RHOBTB3: variants seen among roughly 807,000 people sequenced by gnomAD.
RHOBTB3 encodes rho-related BTB domain-containing protein 3.
RHOBTB3 carries 47 observed loss-of-function variants against 67.2 expected under a neutral mutation model. The ratio of observed to expected loss-of-function variants is 0.70; its 90% confidence interval spans 0.55 to 0.89. The LOEUF (loss-of-function observed/expected upper bound fraction) is 0.89. RHOBTB3 is among the 40% of genes least tolerant of loss of function. The probability of loss-of-function intolerance (pLI) is 0.00; values close to 1 mark genes in which losing one functional copy is unlikely to be tolerated. For synonymous variants in RHOBTB3, 273 were observed against 274.2 expected (o/e 1.00, Z 0.04); for missense variants, 631 against 750.0 (o/e 0.84, Z 1.85).
upstream of RHOBTB3, among the ~76,000 whole-genome samples, chr5:95,727,906 G>A (rs76038744): frequency 0.021 from 3,258 of 152,264 alleles, 52 homozygotes; most frequent in Non-Finnish European, 0.033. Flanking sequence ...CATTCTGTGA[G>A]GAGGCTCTGC....
intron 4 of RHOBTB3, among the ~76,000 whole-genome samples, chr5:95,748,980 C>G (rs1004009159): frequency 1.3e-5 from 2 of 152,154 alleles, no homozygotes; most frequent in Non-Finnish European, 2.9e-5. Context: ...ATATAAATAG[C>G]TGCTTGTTGG....
chr5:95,755,131 A>G (rs1446503464), intron 5 of RHOBTB3, among the ~76,000 whole-genome samples: 3 of 152,208 alleles, frequency 2.0e-5, no homozygotes, highest in Non-Finnish European at 4.4e-5. Flanking sequence ...TATAAAATGT[A>G]AATAAACATA....
intron 2 of RHOBTB3, chr5:95,732,405 A>G: frequency 1.8e-6 from 1 of 554,718 alleles, no homozygotes; most frequent in Non-Finnish European, 3.2e-6. Context: ...ACTAAGTTTC[A>G]TCAGCAAAAA....
upstream of RHOBTB3, chr5:95,731,305 T>C: frequency 9.6e-7 from 1 of 1,044,336 alleles, no homozygotes; most frequent in East Asian, 8.0e-5. Context: ...CCCCCTTCTC[T>C]GCTTAGAGGA....
At chr5:95,732,142 T>TC (rs747226846) in intron 2 of RHOBTB3, 58 bp downstream of exon 2, 13 of 1,485,770 alleles carry the variant, frequency 8.7e-6, no homozygotes, top group African/African-American at 5.5e-5. Flanking sequence ...TCCTTTTTTT[T>TC]CCCCCTCCCC....
At chr5:95,740,285 A>G (rs1755560543) in intron 3 of RHOBTB3, among the ~76,000 whole-genome samples, 1 of 152,208 alleles carries the variant, frequency 6.6e-6, no homozygotes. Flanking sequence ...ATGAGAACAG[A>G]CTAATACAAC....
Position 95,787,330 on chromosome 5 carries a change from T to A in RHOBTB3, c.1624-1432T>A, listed in dbSNP as rs996999874. 2.0e-5 allele frequency among the ~76,000 whole-genome samples: 3 copies of A among 152,300 alleles called. No homozygotes were observed. The East Asian group carries it at 5.8e-4, about 29-fold the overall frequency. Reference sequence around the variant, plus strand: ...AAAGATAAGGGGAGGAAAAAAACTGTTAAAATGTTATGTGGGATTAGATAA... The same window carrying A: ...AAAGATAAGGGGAGGAAAAAAACTGATAAAATGTTATGTGGGATTAGATAA... On this transcript the variant is annotated intron_variant, in intron 10 of 11. Coordinates refer to ENST00000379982, the MANE Select transcript of RHOBTB3 (RefSeq NM_014899.4).
chr5:95,746,013 G>C (rs145817313), intron 3 of RHOBTB3, among the ~76,000 whole-genome samples: 1 of 152,154 alleles, frequency 6.6e-6, no homozygotes, highest in Non-Finnish European at 1.5e-5. Flanking sequence ...CCAGATAAAG[G>C]GTAGGTAGCT....
At chr5:95,722,040 G>A (rs1305808021) in intron 1 of RHOBTB3, among the ~76,000 whole-genome samples, 1 of 152,094 alleles carries the variant, frequency 6.6e-6, no homozygotes, top group Admixed American at 6.5e-5. Context: ...AGAAAAATGA[G>A]GACCAAATGT....
At position 95,731,925 on chromosome 5, in the gene RHOBTB3, G is replaced by A; in HGVS notation, c.69G>A (p.Gly23=). 2 of 1,614,144 alleles carry A rather than the reference G, an allele frequency of 1.2e-6. No homozygotes were observed. The highest frequency in any genetic ancestry group is 1.7e-6 in the Non-Finnish European group (2 of 1,180,036). Residue 23 remains glycine, a synonymous_variant, in exon 2 of 12, where the codon GGG becomes GGA. Transcript: ENST00000379982. ...TCCACCAGGACAACCGGCCGTCGGG[G>A]CTTATCCGCACTTACCTGGGGAGAA... ...DTFHQDNRPS[G]LIRTYLGRSP...
chr5:95,738,859 T>C (rs1214535367), intron 3 of RHOBTB3, among the ~76,000 whole-genome samples: 1 of 152,130 alleles, frequency 6.6e-6, no homozygotes, highest in African/African-American at 2.4e-5. Flanking sequence ...ATAATACTTA[T>C]CTCTTGTTGA....
intron 3 of RHOBTB3, among the ~76,000 whole-genome samples, chr5:95,740,867 A>G (rs1755575539): frequency 1.3e-5 from 2 of 152,052 alleles, no homozygotes; most frequent in Admixed American, 1.3e-4. Context: ...ACACACACAC[A>G]CTTTTTTTTG....
chr5:95,729,194 T>C (rs1755146971), upstream of RHOBTB3, among the ~76,000 whole-genome samples: 1 of 152,194 alleles, frequency 6.6e-6, no homozygotes, highest in African/African-American at 2.4e-5. Flanking sequence ...TAAACTGGCT[T>C]TCACTTTATG....
intron 1 of RHOBTB3, among the ~76,000 whole-genome samples, chr5:95,725,521 A>G (rs2112754000): frequency 6.6e-6 from 1 of 152,364 alleles, no homozygotes; most frequent in East Asian, 1.9e-4. Context: ...AGCCCTGAGA[A>G]TGTTCTCATT....
intron 4 of RHOBTB3, among the ~76,000 whole-genome samples, chr5:95,749,879 G>A (rs117823818): frequency 3.9e-5 from 6 of 152,160 alleles, no homozygotes; most frequent in African/African-American, 1.4e-4. Context: ...TTTCCCACTC[G>A]CACTTTCTCT....
At chr5:95,768,687 A>G (rs1478158327) in intron 8 of RHOBTB3, among the ~76,000 whole-genome samples, 1 of 152,182 alleles carries the variant, frequency 6.6e-6, no homozygotes, top group African/African-American at 2.4e-5. Context: ...TATTCCTCCT[A>G]GCACTCTGAG....
chr5:95,736,930 TGGG>T lies in RHOBTB3; in HGVS notation c.273_275del (p.Gly92del). 1 of 1,611,606 alleles carries T rather than the reference TGGG, an allele frequency of 6.2e-7. No homozygotes were observed. Among genetic ancestry groups the T allele is most frequent in the Non-Finnish European group, 8.5e-7 (1 of 1,179,308 alleles). Reference sequence around the variant, plus strand: ...ATTGGTACACTTCTCGAAATCTAATTGGGGGCGCTGACATCATTGTGATCAAAT... The same window carrying T: ...ATTGGTACACTTCTCGAAATCTAATTGGCGCTGACATCATTGTGATCAAAT... On this transcript the variant is annotated inframe_deletion, in exon 3 of 12. Coordinates refer to ENST00000379982, the MANE Select transcript of RHOBTB3 (RefSeq NM_014899.4).
upstream of RHOBTB3, chr5:95,731,054 T>G: frequency 1.9e-6 from 2 of 1,060,522 alleles, no homozygotes; most frequent in Non-Finnish European, 1.2e-6. Flanking sequence ...GTTACGGCCT[T>G]GCGAGTTGAA....
chr5:95,729,430 C>G (rs113478089), upstream of RHOBTB3, among the ~76,000 whole-genome samples: 1 of 152,174 alleles, frequency 6.6e-6, no homozygotes, highest in Admixed American at 6.5e-5. Flanking sequence ...TTGTCAGCAA[C>G]TTTGGTGTCT....
Sources: allele counts gnomAD v4.1 joint callset (sites outside exome capture counted in the v4.1 genomes callset), GRCh38; gene constraint gnomAD v4.1.1; transcripts MANE v1.5; gene names NCBI Gene and HGNC (gene_info 2026-07-23, HGNC 2026-07-21).